DYNC1I2: variants seen among roughly 807,000 people sequenced by gnomAD.
The protein encoded by DYNC1I2 is dynein cytoplasmic 1 intermediate chain 2.
DYNC1I2 carries 53 observed loss-of-function variants against 88.6 expected under a neutral mutation model. That is an observed-to-expected ratio of 0.60 (90% CI 0.48 to 0.75). The LOEUF (loss-of-function observed/expected upper bound fraction) is 0.75. Among genes scored for constraint, DYNC1I2 ranks in the 30% least tolerant of loss-of-function variants. The probability of loss-of-function intolerance (pLI) is 0.00; values close to 1 mark genes in which losing one functional copy is unlikely to be tolerated. For missense variants in DYNC1I2, 458 were observed against 766.6 expected (o/e 0.60, Z 4.75); for synonymous variants, 198 against 254.6 (o/e 0.78, Z 2.12).
At chr2:171,701,015 T>G (rs1238873821) in intron 3 of DYNC1I2, among the ~76,000 whole-genome samples, 1 of 152,212 alleles carries the variant, frequency 6.6e-6, no homozygotes, top group Non-Finnish European at 1.5e-5. Context: ...ATAAAAAATA[T>G]GTCTTGATAA....
At chr2:171,706,467 T>C in intron 3 of DYNC1I2, 80 bp from the exon 4 acceptor site, 1 of 1,204,076 alleles carries the variant, frequency 8.3e-7, no homozygotes. Context: ...TTATTTTATA[T>C]ACTATGAAAA....
At chr2:171,732,116 C>T (rs1278965610) in intron 15 of DYNC1I2, among the ~76,000 whole-genome samples, 3 of 152,176 alleles carry the variant, frequency 2.0e-5, no homozygotes, top group East Asian at 1.9e-4. Flanking sequence ...GTAATCTCAG[C>T]GCTTTGGGAG....
chr2:171,722,693 T>TA (rs1431759308), intron 7 of DYNC1I2, among the ~76,000 whole-genome samples: 4 of 152,212 alleles, frequency 2.6e-5, no homozygotes, highest in African/African-American at 7.2e-5. Flanking sequence ...ATGTTATTGA[T>TA]GTTAGGCATT....
At chr2:171,736,372 A>G (rs1013109719) in intron 15 of DYNC1I2, among the ~76,000 whole-genome samples, 1 of 152,174 alleles carries the variant, frequency 6.6e-6, no homozygotes, top group African/African-American at 2.4e-5. Flanking sequence ...TACATTGGAG[A>G]ATGTCAATTT....
At chr2:171,706,675 A>T in intron 4 of DYNC1I2, 111 bp downstream of exon 4, 1 of 954,662 alleles carries the variant, frequency 1.0e-6, no homozygotes, top group Non-Finnish European at 1.6e-6. Flanking sequence ...TTTTCACCCA[A>T]ATTGCTGGAA....
intron 15 of DYNC1I2, among the ~76,000 whole-genome samples, chr2:171,732,179 C>G (rs1477986150): frequency 6.6e-6 from 1 of 152,144 alleles, no homozygotes; most frequent in African/African-American, 2.4e-5. Context: ...GCCCAGCCAA[C>G]ATGGTGAAAC....
intron 3 of DYNC1I2, among the ~76,000 whole-genome samples, chr2:171,695,261 G>A (rs141251399): frequency 0.019 from 2,826 of 152,034 alleles, 57 homozygotes; most frequent in Admixed American, 0.067. Flanking sequence ...CACCACACCT[G>A]ACTAATTTTT....
At chr2:171,717,766 G>C (rs1259725478) in intron 7 of DYNC1I2, among the ~76,000 whole-genome samples, 1 of 151,932 alleles carries the variant, frequency 6.6e-6, no homozygotes, top group Non-Finnish European at 1.5e-5. Context: ...CAAAACGAAG[G>C]CACAGTGACT....
At chr2:171,692,646 G>T (rs1559360576) in intron 2 of DYNC1I2, 131 bp from the exon 3 acceptor site, 2 of 586,008 alleles carry the variant, frequency 3.4e-6, no homozygotes, top group Admixed American at 3.3e-5. Context: ...ACTATAAAAA[G>T]AACTTAACCT....
chr2:171,694,352 A>G (rs1380725099), intron 3 of DYNC1I2, among the ~76,000 whole-genome samples: 2 of 152,122 alleles, frequency 1.3e-5, no homozygotes, highest in African/African-American at 4.8e-5. Context: ...AGAAATACTG[A>G]GGCTGGGTAA....
At chr2:171,697,962 C>G (rs1011771098) in intron 3 of DYNC1I2, among the ~76,000 whole-genome samples, 1 of 152,182 alleles carries the variant, frequency 6.6e-6, no homozygotes, top group Non-Finnish European at 1.5e-5. Flanking sequence ...CATATTGTAT[C>G]ATATTAGTAG....
At chr2:171,727,477 G>T (rs1688328840) in intron 11 of DYNC1I2, among the ~76,000 whole-genome samples, 1 of 152,048 alleles carries the variant, frequency 6.6e-6, no homozygotes, top group African/African-American at 2.4e-5. Flanking sequence ...AATTAAACTA[G>T]CGTGTACTCT....
intron 7 of DYNC1I2, among the ~76,000 whole-genome samples, chr2:171,721,418 G>A (rs554867908): frequency 2.0e-5 from 3 of 152,236 alleles, no homozygotes; most frequent in Admixed American, 1.3e-4. Flanking sequence ...ATATGCATCT[G>A]ATTTTAAAGA....
chr2:171,689,163 G>T (rs1251085610), intron 1 of DYNC1I2, among the ~76,000 whole-genome samples: 1 of 152,150 alleles, frequency 6.6e-6, no homozygotes, highest in Non-Finnish European at 1.5e-5. Context: ...TCTGCTGGAT[G>T]TTGTGAAGGC....
At chr2:171,739,668 G>A (rs2105762944) in intron 15 of DYNC1I2, among the ~76,000 whole-genome samples, 1 of 149,892 alleles carries the variant, frequency 6.7e-6, no homozygotes, top group East Asian at 1.9e-4. Flanking sequence ...ATCCAAAGGA[G>A]GGCCATCCAT....
At chr2:171,731,154 A>G (rs1688578942) in intron 15 of DYNC1I2, among the ~76,000 whole-genome samples, 1 of 152,220 alleles carries the variant, frequency 6.6e-6, no homozygotes, top group Non-Finnish European at 1.5e-5. Flanking sequence ...AATACATTTA[A>G]TAAGTCATCT....
At chr2:171,737,697 T>A (rs1204143843) in intron 15 of DYNC1I2, among the ~76,000 whole-genome samples, 1 of 152,164 alleles carries the variant, frequency 6.6e-6, no homozygotes, top group African/African-American at 2.4e-5. Context: ...TGGGTTATAG[T>A]GTGAGCCACC....
chr2:171,705,494 T>C (rs940364370), intron 3 of DYNC1I2, among the ~76,000 whole-genome samples: 8 of 152,226 alleles, frequency 5.3e-5, no homozygotes, highest in Non-Finnish European at 8.8e-5. Context: ...ATACAAAATT[T>C]CTTCTTTAAA....
intron 10 of DYNC1I2, chr2:171,726,587 C>A: frequency 1.7e-6 from 1 of 604,158 alleles, no homozygotes; most frequent in Non-Finnish European, 2.6e-6. Context: ...AATGTTTTAA[C>A]ATTAAAACAT....
Sources: allele counts gnomAD v4.1 joint callset (sites outside exome capture counted in the v4.1 genomes callset), GRCh38; gene constraint gnomAD v4.1.1; transcripts MANE v1.5; gene names NCBI Gene and HGNC (gene_info 2026-07-23, HGNC 2026-07-21).